Variants in ROBO2 observed in about 807,000 individuals in gnomAD.
The protein encoded by ROBO2 is roundabout homolog 2.
ROBO2 carries 53 observed loss-of-function variants against 160.8 expected under a neutral mutation model. That is an observed-to-expected ratio of 0.33 (90% CI 0.26 to 0.41). ROBO2 has a LOEUF of 0.41. ROBO2 is among the 10% of genes least tolerant of loss of function. ROBO2 has a pLI of 1.00. For missense variants in ROBO2, 1,577 were observed against 1,722.4 expected (o/e 0.92, Z 1.49); for synonymous variants, 664 against 611.7 (o/e 1.09, Z -1.26).
intron 2 of ROBO2, among the ~76,000 whole-genome samples, chr3:77,131,035 A>C (rs150594510): frequency 6.6e-6 from 1 of 152,246 alleles, no homozygotes; most frequent in African/African-American, 2.4e-5. Context: ...TATATATATT[A>C]TTGGATAAGT....
At chr3:76,368,585 A>G (rs1027807305) in intron 2 of ROBO2, among the ~76,000 whole-genome samples, 5 of 152,076 alleles carry the variant, frequency 3.3e-5, no homozygotes, top group South Asian at 2.1e-4. Flanking sequence ...CTGTCAGAGC[A>G]TTTAGACATC....
intron 2 of ROBO2, among the ~76,000 whole-genome samples, chr3:77,334,413 A>G (rs2066276855): frequency 6.6e-6 from 1 of 152,308 alleles, no homozygotes; most frequent in Non-Finnish European, 1.5e-5. Context: ...AATCCAATCC[A>G]TTAAACGTCT....
chr3:75,977,167 A>G (rs1358356436), intron 2 of ROBO2, among the ~76,000 whole-genome samples: 1 of 151,594 alleles, frequency 6.6e-6, no homozygotes, highest in Non-Finnish European at 1.5e-5. Context: ...CAAACACTTA[A>G]CGAAGGGAAT....
chr3:77,059,297 G>A (rs1164052360), intron 1 of ROBO2, among the ~76,000 whole-genome samples: 2 of 152,114 alleles, frequency 1.3e-5, no homozygotes, highest in African/African-American at 4.8e-5. Context: ...AAAGCTGCAA[G>A]CAGTGAAAGG....
chr3:77,118,086 T>G (rs898998978), intron 2 of ROBO2, among the ~76,000 whole-genome samples: 2 of 152,208 alleles, frequency 1.3e-5, no homozygotes, highest in Non-Finnish European at 2.9e-5. Flanking sequence ...AATGTGGCAA[T>G]ATTACAGGTT....
intron 2 of ROBO2, among the ~76,000 whole-genome samples, chr3:77,263,980 C>T (rs1553876454): frequency 1.5e-4 from 23 of 152,136 alleles, no homozygotes; most frequent in African/African-American, 2.4e-5. Flanking sequence ...TAGAGTGGCA[C>T]TTGGTTCATA....
At chr3:76,288,542 T>C (rs1033399100) in intron 2 of ROBO2, among the ~76,000 whole-genome samples, 1 of 151,920 alleles carries the variant, frequency 6.6e-6, no homozygotes, top group Non-Finnish European at 1.5e-5. Flanking sequence ...GCATGTTACA[T>C]AGATAAATTG....
chr3:76,278,620 A>G (rs573353552), intron 2 of ROBO2, among the ~76,000 whole-genome samples: 1 of 152,104 alleles, frequency 6.6e-6, no homozygotes, highest in East Asian at 1.9e-4. Context: ...TTTTTAAAAG[A>G]TATTTCCCCA....
chr3:76,586,103 A>C (rs1578333727), intron 2 of ROBO2, among the ~76,000 whole-genome samples: 2 of 152,216 alleles, frequency 1.3e-5, no homozygotes, highest in Admixed American at 1.3e-4. Flanking sequence ...GTCTTTACAC[A>C]CAACACCAGT....
At chr3:76,011,479 C>T (rs1056332118) in intron 2 of ROBO2, among the ~76,000 whole-genome samples, 2 of 152,168 alleles carry the variant, frequency 1.3e-5, no homozygotes, top group Non-Finnish European at 2.9e-5. Context: ...CGGCCACATC[C>T]CCTTTACTAG....
intron 2 of ROBO2, among the ~76,000 whole-genome samples, chr3:76,094,721 T>C (rs1333429537): frequency 6.6e-6 from 1 of 152,194 alleles, no homozygotes; most frequent in Non-Finnish European, 1.5e-5. Context: ...AACAAAACTA[T>C]GTAAATATTG....
chr3:76,689,106 T>C (rs1344918573), intron 2 of ROBO2, among the ~76,000 whole-genome samples: 2 of 152,136 alleles, frequency 1.3e-5, no homozygotes, highest in African/African-American at 2.4e-5. Flanking sequence ...TTGATTGCAA[T>C]TGCTGTCTCT....
chr3:76,454,776 A>C (rs2109319100), intron 2 of ROBO2, among the ~76,000 whole-genome samples: 1 of 152,252 alleles, frequency 6.6e-6, no homozygotes, highest in East Asian at 1.9e-4. Context: ...GATGATCAAC[A>C]ATTTAGGAAT....
chr3:76,489,961 T>C (rs1019057487), intron 2 of ROBO2, among the ~76,000 whole-genome samples: 1 of 152,158 alleles, frequency 6.6e-6, no homozygotes, highest in Non-Finnish European at 1.5e-5. Context: ...TTGAAATGAG[T>C]ATTTCAAAAA....
At chr3:76,414,761 T>A (rs2075678255) in intron 2 of ROBO2, among the ~76,000 whole-genome samples, 2 of 127,840 alleles carry the variant, frequency 1.6e-5, no homozygotes, top group Non-Finnish European at 1.6e-5. Flanking sequence ...AAACTTAAAG[T>A]ATAATTTAAA....
intron 2 of ROBO2, among the ~76,000 whole-genome samples, chr3:76,342,352 G>A (rs2074278882): frequency 6.6e-6 from 1 of 152,084 alleles, no homozygotes. Context: ...TCCCAGCACA[G>A]CAAACATCAT....
At chr3:77,238,902 T>G (rs1415833223) in intron 2 of ROBO2, among the ~76,000 whole-genome samples, 1 of 152,148 alleles carries the variant, frequency 6.6e-6, no homozygotes, top group African/African-American at 2.4e-5. Flanking sequence ...GCAGATATCT[T>G]GAGCAATTAT....
In ROBO2 at chr3:75,954,181, C is replaced by T. The variant is rs1027980831; in HGVS notation, c.109+16579C>T. On this transcript the variant is annotated intron_variant, in intron 2 of 26. Transcript: ENST00000487694. ...AAGGAAAGGTACAAAATTAATTTAC[C>T]ATGTCTGAGTTTTCTTCTTCTCTGT... Among the ~76,000 whole-genome samples the T allele has an allele frequency of 5.3e-5, 8 of 151,910 alleles. No individual in the cohort carries two copies. The Admixed American group carries it at 5.3e-4, about 10-fold the overall frequency.
intron 25 of ROBO2, among the ~76,000 whole-genome samples, 158 bp from the exon 28 acceptor site, chr3:77,645,896 G>T (rs1030646083): frequency 6.6e-6 from 1 of 151,866 alleles, no homozygotes; most frequent in African/African-American, 2.4e-5. Flanking sequence ...TTTACTCTTT[G>T]ATCATCTCCT....
Sources: gnomAD v4.1 joint callset for allele counts (sites outside exome capture counted in the v4.1 genomes callset) on GRCh38, gnomAD v4.1.1 for gene constraint, MANE v1.5 for transcripts, NCBI Gene and HGNC (gene_info 2026-07-23, HGNC 2026-07-21) for gene names.